Variants in WAPL observed in about 807,000 individuals in gnomAD.
WAPL encodes WAPL cohesin release factor.
A neutral mutation model predicts 121.0 loss-of-function variants in WAPL; 5 were observed. The ratio of observed to expected loss-of-function variants is 0.04; its 90% CI spans 0.02 to 0.09. The LOEUF is 0.09. Ranked by LOEUF, WAPL falls within the 10% of genes least tolerant of loss-of-function variation. WAPL has a pLI of 1.00. For synonymous variants in WAPL, 480 were observed against 481.5 expected (o/e 1.00, Z 0.04); for missense variants, 999 against 1,410.8 (o/e 0.71, Z 4.68).
chr10:86,460,714 CTCT>C (rs67522883), intron 10 of WAPL, among the ~76,000 whole-genome samples: 17,539 of 151,580 alleles, frequency 0.12, 1,145 homozygotes, highest in Middle Eastern at 0.17. Context: ...TGTTAATGGC[CTCT>C]TCTTTTTTTT....
chr10:86,472,827 C>T lies in WAPL; in HGVS notation c.1741-63G>A. The T allele has an allele frequency of 8.3e-6, 12 of 1,451,670 alleles. No individual in the cohort carries two copies. Among genetic ancestry groups the T allele is most frequent in the Non-Finnish European group, 1.1e-5 (12 of 1,090,230 alleles). The allele number at this position is 1,451,670 out of a possible 1,614,324, so 89.9% of individuals were successfully genotyped here. A position where few individuals can be genotyped will look rare whatever the true frequency, so the allele number is the denominator to read the frequency against. ...ATATATAAAAATAGGAACGTCTCAT[C>T]TATCTGGCAAATTCAGCTTCAAAAA... is the stretch of plus-strand genomic sequence containing the variant. On this transcript the variant is annotated intron_variant, in intron 5 of 18. Coordinates refer to ENST00000298767, the MANE Select transcript of WAPL (RefSeq NM_015045.5). The surrounding 1 kb of genome is among the most constrained non-coding windows in gnomAD (Gnocchi z 4.2).
chr10:86,518,400 A>G (rs1842602003), intron 1 of WAPL, among the ~76,000 whole-genome samples: 1 of 152,260 alleles, frequency 6.6e-6, no homozygotes. Context: ...ATTAAGTTCC[A>G]AATGAATTAA....
intron 2 of WAPL, among the ~76,000 whole-genome samples, chr10:86,510,515 A>G (rs994039704): frequency 6.6e-6 from 1 of 152,208 alleles, no homozygotes; most frequent in Non-Finnish European, 1.5e-5. Context: ...TACAGAGGCT[A>G]TGTTTATAAA....
intron 9 of WAPL, chr10:86,467,051 G>T: frequency 2.1e-6 from 1 of 472,608 alleles, no homozygotes; most frequent in Non-Finnish European, 3.8e-6. Context: ...AAATGCAACA[G>T]AAAATGTGCA....
chr10:86,470,291 C>A (rs191286180), intron 8 of WAPL, among the ~76,000 whole-genome samples: 1 of 152,128 alleles, frequency 6.6e-6, no homozygotes, highest in African/African-American at 2.4e-5. Flanking sequence ...ACTTTGGCCT[C>A]CCAAAGTGCT....
At chr10:86,437,645 A>G in intron 18 of WAPL, 37 bp from the exon 19 acceptor site, 1 of 1,600,196 alleles carries the variant, frequency 6.2e-7, no homozygotes, top group Non-Finnish European at 8.5e-7. Context: ...AGTAACAGTT[A>G]ATATTTAACA....
chr10:86,461,002 C>T lies in WAPL; in HGVS notation c.2482+174G>A, dbSNP rs561320191. Among the ~76,000 whole-genome samples the T allele has an allele frequency of 4.6e-5, 7 of 152,236 alleles. No individual in the cohort carries two copies. The South Asian group carries it at 1.5e-3, about 32-fold the overall frequency. The stretch of plus-strand genomic sequence containing the variant: ...TGCTGGGATTACAGGCATGAGCCAC[C>T]GTGCCCGGCCGGCCTCTTCTTTAAA... On this transcript the variant is annotated intron_variant, in intron 10 of 18. Transcript: ENST00000298767.
intron 4 of WAPL, among the ~76,000 whole-genome samples, chr10:86,486,330 C>CTT (rs1191613450): frequency 2.6e-5 from 4 of 152,164 alleles, no homozygotes; most frequent in Non-Finnish European, 5.9e-5. Context: ...TGTGGGAGTA[C>CTT]TTGTCCTTTA....
chr10:86,484,739 T>C (rs1168025556), intron 4 of WAPL, among the ~76,000 whole-genome samples: 1 of 152,174 alleles, frequency 6.6e-6, no homozygotes, highest in Non-Finnish European at 1.5e-5. Flanking sequence ...GTACCTTTTC[T>C]AGGTTTAGAT....
intron 4 of WAPL, among the ~76,000 whole-genome samples, chr10:86,490,517 C>A (rs1423589311): frequency 6.6e-6 from 1 of 151,932 alleles, no homozygotes; most frequent in Non-Finnish European, 1.5e-5. Flanking sequence ...GTTAAAAAAA[C>A]AGAACACAAA....
In WAPL at chr10:86,521,786, C is replaced by A; in HGVS notation, c.-444G>T. The A allele has an allele frequency of 2.3e-6, 1 of 436,886 alleles. No individual in the cohort carries two copies. The highest frequency in any genetic ancestry group is 1.6e-5 in the South Asian group (1 of 60,982). The allele number at this position is 436,886 out of a possible 1,614,324, so 27.1% of individuals were successfully genotyped here. On this transcript the variant is annotated 5_prime_UTR_variant, in exon 1 of 19. Transcript: ENST00000298767. ...CTCCTTCCTCCAACAGCCGCTCGCT[C>A]CGTCACTCCGCTTCCCACAGTCCCC... is the stretch of plus-strand genomic sequence containing the variant.
rs1841261786 is a variant in WAPL at position 86,461,107 on chromosome 10, TAC to T, written c.2482+67_2482+68del. The T allele has an allele frequency of 2.7e-6, 3 of 1,130,118 alleles. No homozygotes were observed. The African/African-American group carries it at 4.8e-5, about 18-fold the overall frequency. 70.0% of individuals were successfully genotyped at this position (1,130,118 alleles called of 1,614,324 possible). On this transcript the variant is annotated intron_variant, in intron 10 of 18. Coordinates refer to ENST00000298767, the MANE Select transcript of WAPL (RefSeq NM_015045.5). ...AAACTGATACAATTATTTTTTGAAG[TAC>T]GTCAATGGAGTATTTTCTTCAGGCT...
At chr10:86,479,939 C>A (rs1841743838) in intron 4 of WAPL, among the ~76,000 whole-genome samples, 1 of 152,188 alleles carries the variant, frequency 6.6e-6, no homozygotes, top group Admixed American at 6.5e-5. Flanking sequence ...AATCTTTGAG[C>A]TCTTTACAAC....
At chr10:86,462,969 A>G (rs1489570041) in intron 9 of WAPL, among the ~76,000 whole-genome samples, 1 of 152,170 alleles carries the variant, frequency 6.6e-6, no homozygotes, top group Admixed American at 6.6e-5. Flanking sequence ...CTTTTTAGGA[A>G]GTTTTGTTTT....
chr10:86,495,423 C>T (rs2132216996), intron 4 of WAPL, among the ~76,000 whole-genome samples: 1 of 152,052 alleles, frequency 6.6e-6, no homozygotes, highest in East Asian at 1.9e-4. Flanking sequence ...GCTGGGATCA[C>T]ACCACTGCAT....
chr10:86,447,345 T>C (rs957666105), intron 15 of WAPL, among the ~76,000 whole-genome samples: 3 of 152,262 alleles, frequency 2.0e-5, no homozygotes, highest in African/African-American at 4.8e-5. Flanking sequence ...CTCCTACTTA[T>C]GACTCCAGGA....
chr10:86,446,774 TA>T (rs779643045), intron 15 of WAPL, among the ~76,000 whole-genome samples: 12 of 152,210 alleles, frequency 7.9e-5, no homozygotes, highest in Non-Finnish European at 1.3e-4. Flanking sequence ...GGGAATATGC[TA>T]AATTCCTTGC....
At chr10:86,459,187 A>C in intron 11 of WAPL, 122 bp from the exon 12 acceptor site, 2 of 710,840 alleles carry the variant, frequency 2.8e-6, no homozygotes, top group Non-Finnish European at 4.5e-6. Context: ...CTTGTTACCA[A>C]AGGGAATAAT....
Position 86,500,115 on chromosome 10 carries a change from A to C in WAPL, c.1128T>G (p.Thr376=). The change falls in exon 3 of 19, where the codon ACT becomes ACG. Residue 376 remains threonine (T), a synonymous_variant. Transcript: ENST00000298767. ...LSVCNVTIQD[T]MERSMDEFTA... Reference sequence around the variant, plus strand: ...TGAACTCATCCATGCTGCGTTCCATAGTATCCTGTATGGTAACATTACAAA... The same window carrying C: ...TGAACTCATCCATGCTGCGTTCCATCGTATCCTGTATGGTAACATTACAAA... 6.2e-7 allele frequency: 1 copy of C among 1,614,172 alleles called. No individual in the cohort carries two copies. Among genetic ancestry groups the C allele is most frequent in the Non-Finnish European group, 8.5e-7 (1 of 1,180,038 alleles).
Sources: allele counts gnomAD v4.1 joint callset (sites outside exome capture counted in the v4.1 genomes callset), GRCh38; gene constraint gnomAD v4.1.1; non-coding constraint Gnocchi (gnomAD v3.1); transcripts MANE v1.5; gene names NCBI Gene and HGNC (gene_info 2026-07-23, HGNC 2026-07-21).